GDF6: variants seen among roughly 807,000 people sequenced by gnomAD.
The protein encoded by GDF6 is growth/differentiation factor 6.
In GDF6, 3 loss-of-function variants were observed where a neutral mutation model predicts 32.4. The ratio of observed to expected loss-of-function variants is 0.09; its 90% confidence interval spans 0.04 to 0.24. The LOEUF (loss-of-function observed/expected upper bound fraction) is 0.24. GDF6 is among the 10% of genes least tolerant of loss of function. GDF6 has a pLI of 1.00. For missense variants in GDF6, 589 were observed against 637.9 expected (o/e 0.92, Z 0.83); for synonymous variants, 296 against 295.3 (o/e 1.00, Z -0.03).
chr8:96,150,534 T>C (rs1057089027), intron 1 of GDF6, among the ~76,000 whole-genome samples: 2 of 152,232 alleles, frequency 1.3e-5, no homozygotes, highest in Admixed American at 1.3e-4. Flanking sequence ...CACTGAATTT[T>C]CACAGCGAAC....
Position 96,144,397 on chromosome 8 carries a change from G to T in GDF6, c.*166C>A. The T allele has an allele frequency of 1.3e-6, 1 of 753,432 alleles. No homozygotes were observed. Among genetic ancestry groups the T allele is most frequent in the Non-Finnish European group, 2.1e-6 (1 of 474,784 alleles). 46.7% of individuals were successfully genotyped at this position (753,432 alleles called of 1,614,324 possible). On this transcript the variant is annotated 3_prime_UTR_variant, in exon 2 of 2. Coordinates refer to ENST00000287020, the MANE Select transcript of GDF6 (RefSeq NM_001001557.4). The surrounding 1 kb of genome is among the most constrained non-coding windows in gnomAD (Gnocchi z 5.1). ...GCTGGCAGGTAGAAGTTACTGGGAA[G>T]GCTGCGCTCCCTTCTCTCCCACCGG... is the stretch of plus-strand genomic sequence containing the variant.
chr8:96,150,158 T>C (rs1262980405), intron 1 of GDF6, among the ~76,000 whole-genome samples: 1 of 152,260 alleles, frequency 6.6e-6, no homozygotes, highest in African/African-American at 2.4e-5. Flanking sequence ...CGGCTCCAAC[T>C]TCCCGGACTT....
intron 1 of GDF6, among the ~76,000 whole-genome samples, chr8:96,149,924 T>TTGCCCACTCCAGCC (rs1269658483): frequency 6.6e-6 from 1 of 152,144 alleles, no homozygotes; most frequent in Non-Finnish European, 1.5e-5. Flanking sequence ...CTCTGTGCGC[T>TTGCCCACTCCAGCC]TGCCCACTCC....
intron 1 of GDF6, among the ~76,000 whole-genome samples, chr8:96,148,942 G>T (rs946076793): frequency 6.6e-6 from 1 of 152,184 alleles, no homozygotes; most frequent in African/African-American, 2.4e-5. Context: ...CACAGAAATA[G>T]CTCAGAGGAG....
chr8:96,144,557 G>T lies in GDF6; in HGVS notation c.*6C>A, dbSNP rs1454883477. 1 of 1,613,266 alleles carries T rather than the reference G, an allele frequency of 6.2e-7. No homozygotes were observed. The highest frequency in any genetic ancestry group is 8.5e-7 in the Non-Finnish European group (1 of 1,179,808). ...GTTCCGGGCCAAGGCGGCGGGAAAGGCACCGCTACCTGCAGCCGCACGACT... is the reference window on the plus strand; with the variant it reads ...GTTCCGGGCCAAGGCGGCGGGAAAGTCACCGCTACCTGCAGCCGCACGACT... On this transcript the variant is annotated 3_prime_UTR_variant, in exon 2 of 2. Coordinates refer to ENST00000287020, the MANE Select transcript of GDF6 (RefSeq NM_001001557.4). This position sits in a 1 kb window ranked among gnomAD's most constrained non-coding sequence, Gnocchi z 5.1.
rs766553723 is a variant in GDF6, at chr8:96,142,333, T to C, written c.*2230A>G. ...GATCCATATAAACCAGGCTGAGTTA[T>C]TAAGGAGAAAAATGCGTTTAATAAT... On this transcript the variant is annotated 3_prime_UTR_variant, in exon 2 of 2. Coordinates refer to ENST00000287020, the MANE Select transcript of GDF6 (RefSeq NM_001001557.4). The C allele has an allele frequency of 1.3e-5, 2 of 152,194 alleles. No homozygotes were observed. The highest frequency in any genetic ancestry group is 6.5e-5 in the Admixed American group (1 of 15,278). The allele number at this position is 152,194 out of a possible 1,614,324, so 9.4% of individuals were successfully genotyped here.
intron 1 of GDF6, among the ~76,000 whole-genome samples, chr8:96,157,521 GCCAGCCCCACTCGAC>G (rs1812689066): frequency 2.6e-5 from 4 of 152,236 alleles, no homozygotes; most frequent in Admixed American, 2.6e-4. Context: ...ACCGAGCCAG[GCCAGCCCCACTCGAC>G]GGCGATTTAA....
At chr8:96,151,064 A>G (rs763292547) in intron 1 of GDF6, among the ~76,000 whole-genome samples, 21 of 152,204 alleles carry the variant, frequency 1.4e-4, no homozygotes, top group Admixed American at 8.5e-4. Context: ...TGTGCCAACT[A>G]TGTACCCTCT....
chr8:96,150,356 G>A (rs1397618222), intron 1 of GDF6, among the ~76,000 whole-genome samples: 1 of 152,256 alleles, frequency 6.6e-6, no homozygotes, highest in African/African-American at 2.4e-5. Context: ...AGAAGATAGT[G>A]GACTTTCCCA....
chr8:96,160,311 T>C lies in GDF6; in HGVS notation c.382A>G (p.Thr128Ala). The C allele has an allele frequency of 1.2e-6, 2 of 1,614,234 alleles. No homozygotes were observed. Among genetic ancestry groups the C allele is most frequent in the Non-Finnish European group, 1.7e-6 (2 of 1,180,040 alleles). ...CCTAGTCCCCTGTCTACAAAGCTGG[T>C]GATCGTATTAGCCGACTTGGAAGAC... ...FQSSKSANTI[T>A]SFVDRGLDDL... Residue 128 changes from threonine (T) to alanine (A), a missense_variant, in exon 1 of 2, where the codon ACC becomes GCC. Transcript: ENST00000287020.
intron 1 of GDF6, among the ~76,000 whole-genome samples, chr8:96,148,723 A>G (rs1812521883): frequency 6.6e-6 from 1 of 152,224 alleles, no homozygotes; most frequent in South Asian, 2.1e-4. Context: ...GCAGCATCTA[A>G]GGCAGTACTC....
chr8:96,155,650 C>T (rs1812648534), intron 1 of GDF6, among the ~76,000 whole-genome samples: 2 of 152,200 alleles, frequency 1.3e-5, no homozygotes, highest in African/African-American at 4.8e-5. Context: ...TCCCTCTTTC[C>T]GGGGAAATAA....
At chr8:96,149,911 G>A (rs2130217394) in intron 1 of GDF6, among the ~76,000 whole-genome samples, 1 of 152,318 alleles carries the variant, frequency 6.6e-6, no homozygotes, top group African/African-American at 2.4e-5. Context: ...CGTAGCTGCA[G>A]GACTCTGTGC....
intron 1 of GDF6, among the ~76,000 whole-genome samples, chr8:96,153,307 C>G (rs1812601327): frequency 6.6e-6 from 1 of 152,250 alleles, no homozygotes. Flanking sequence ...AAGCTGAGAT[C>G]AAGGGCACTT....
At chr8:96,153,177 C>T (rs1007703588) in intron 1 of GDF6, among the ~76,000 whole-genome samples, 2 of 152,184 alleles carry the variant, frequency 1.3e-5, no homozygotes, top group African/African-American at 4.8e-5. Flanking sequence ...AGCTCCAAGG[C>T]GCTTTAAGGA....
chr8:96,151,544 C>A (rs1282466308), intron 1 of GDF6, among the ~76,000 whole-genome samples: 1 of 152,126 alleles, frequency 6.6e-6, no homozygotes, highest in Non-Finnish European at 1.5e-5. Context: ...CCATGCTGCC[C>A]ATGCCTGGAG....
chr8:96,158,738 G>T (rs1045967698), intron 1 of GDF6, among the ~76,000 whole-genome samples: 2 of 152,234 alleles, frequency 1.3e-5, no homozygotes, highest in Admixed American at 1.3e-4. Flanking sequence ...GTCGTGGGGA[G>T]GGTTGGCGAG....
At position 96,144,524 on chromosome 8, in the gene GDF6, C is replaced by T. The variant is rs751379279; in HGVS notation, c.*39G>A. On this transcript the variant is annotated 3_prime_UTR_variant, in exon 2 of 2. Transcript: ENST00000287020. The surrounding 1 kb of genome is among the most constrained non-coding windows in gnomAD (Gnocchi z 5.1). Reference sequence around the variant, plus strand: ...CCTCCCCTGCAAGGCGGACCTTGGCCCACCTTGGTTCCGGGCCAAGGCGGC... The same window carrying T: ...CCTCCCCTGCAAGGCGGACCTTGGCTCACCTTGGTTCCGGGCCAAGGCGGC... The T allele has an allele frequency of 8.7e-6, 14 of 1,607,596 alleles. No homozygotes were observed. The East Asian group carries it at 3.1e-4, about 36-fold the overall frequency.
chr8:96,154,392 G>A (rs571755825), intron 1 of GDF6, among the ~76,000 whole-genome samples: 2 of 152,238 alleles, frequency 1.3e-5, no homozygotes, highest in South Asian at 4.1e-4. Context: ...CTAATGGACT[G>A]TCTTAGAAGG....
Sources: allele counts gnomAD v4.1 joint callset (sites outside exome capture counted in the v4.1 genomes callset), GRCh38; gene constraint gnomAD v4.1.1; non-coding constraint Gnocchi (gnomAD v3.1); transcripts MANE v1.5; gene names NCBI Gene and HGNC (gene_info 2026-07-23, HGNC 2026-07-21).